Variants in DISC1 observed in about 807,000 individuals in gnomAD.
DISC1 encodes disrupted in schizophrenia 1 protein.
In DISC1, 57 loss-of-function variants were observed where a neutral mutation model predicts 84.5. That is an observed-to-expected ratio of 0.67 (90% confidence interval 0.55 to 0.84). The LOEUF (loss-of-function observed/expected upper bound fraction) is 0.84, where lower values mean the gene tolerates loss of function less well. Among genes scored for constraint, DISC1 ranks in the 40% least tolerant of loss-of-function variants. DISC1 has a pLI of 0.00. For missense variants in DISC1, 1,000 were observed against 1,057.8 expected (o/e 0.95, Z 0.76); for synonymous variants, 411 against 415.2 (o/e 0.99, Z 0.12).
intron 7 of DISC1, among the ~76,000 whole-genome samples, chr1:231,796,387 G>A (rs1004672158): frequency 7.7e-6 from 1 of 129,248 alleles, no homozygotes; most frequent in African/African-American, 2.6e-5. Flanking sequence ...AGAGAGCAAC[G>A]CAGCTGAGAG....
intron 10 of DISC1, among the ~76,000 whole-genome samples, chr1:232,004,426 G>C (rs1274309403): frequency 7.3e-6 from 1 of 137,296 alleles, no homozygotes; most frequent in African/African-American, 2.8e-5. Flanking sequence ...TTAAAAATAT[G>C]AACAAACATG....
intron 10 of DISC1, among the ~76,000 whole-genome samples, chr1:231,979,635 T>C (rs1048883909): frequency 1.3e-5 from 2 of 151,148 alleles, no homozygotes; most frequent in African/African-American, 4.9e-5. Context: ...ATGTACATAT[T>C]TCTCTCTATA....
chr1:231,770,481 A>G (rs1015875763), intron 5 of DISC1, among the ~76,000 whole-genome samples: 1 of 152,138 alleles, frequency 6.6e-6, no homozygotes, highest in Non-Finnish European at 1.5e-5. Flanking sequence ...TAACCTGCTT[A>G]GCTCAGACCT....
At chr1:231,733,158 G>A (rs74959625) in intron 3 of DISC1, among the ~76,000 whole-genome samples, 3 of 152,020 alleles carry the variant, frequency 2.0e-5, no homozygotes, top group South Asian at 2.1e-4. Context: ...TGATGGTGGT[G>A]ATGGTAGGAG....
chr1:231,973,126 A>T (rs868112956), intron 10 of DISC1, among the ~76,000 whole-genome samples: 21 of 149,988 alleles, frequency 1.4e-4, no homozygotes, highest in Middle Eastern at 6.8e-3. Flanking sequence ...AGCTCACTGC[A>T]ACCTCTGCCT....
intron 3 of DISC1, among the ~76,000 whole-genome samples, chr1:231,741,327 A>G (rs2793093): frequency 0.66 from 100,145 of 152,096 alleles, 34,953 homozygotes; most frequent in Non-Finnish European, 0.78. Flanking sequence ...TAGGCAGTGA[A>G]CTTGATTTAA....
chr1:231,800,104 C>T lies in DISC1; in HGVS notation c.1690-4C>T, dbSNP rs2079107639. The stretch of plus-strand genomic sequence containing the variant: ...ATGATTCCTGGTCATTTCTCTCCCC[C>T]TAGGTGTGTATGAGTGAGAAATTCT... On this transcript the variant is annotated splice_polypyrimidine_tract_variant and splice_region_variant and intron_variant, in intron 7 of 12. Coordinates refer to ENST00000439617, the MANE Select transcript of DISC1 (RefSeq NM_018662.3). 2 of 1,605,064 alleles carry T rather than the reference C, an allele frequency of 1.2e-6. No individual in the cohort carries two copies. The highest frequency in any genetic ancestry group is 1.7e-5 in the Admixed American group (1 of 59,696).
chr1:231,802,367 G>T (rs1330685138), intron 8 of DISC1, among the ~76,000 whole-genome samples: 4 of 152,124 alleles, frequency 2.6e-5, no homozygotes, highest in Non-Finnish European at 5.9e-5. Flanking sequence ...TTGCCACCTT[G>T]TGAAGAAGGT....
chr1:231,950,175 C>T (rs1343701195), intron 9 of DISC1, among the ~76,000 whole-genome samples: 1 of 148,162 alleles, frequency 6.7e-6, no homozygotes, highest in African/African-American at 2.5e-5. Context: ...CTTCCTTCTT[C>T]TGTCTATAAA....
intron 8 of DISC1, among the ~76,000 whole-genome samples, chr1:231,800,882 G>A: frequency 6.6e-6 from 1 of 151,592 alleles, no homozygotes; most frequent in South Asian, 2.1e-4. Flanking sequence ...CTAAGCAGTG[G>A]CAGATCTGGG....
At chr1:231,704,855 G>A (rs952416275) in intron 3 of DISC1, among the ~76,000 whole-genome samples, 1 of 150,396 alleles carries the variant, frequency 6.6e-6, no homozygotes, top group South Asian at 2.1e-4. Flanking sequence ...CAAATGATGC[G>A]CATACTGCGA....
chr1:231,691,919 C>CCTTCTGT (rs1231554370), intron 1 of DISC1, among the ~76,000 whole-genome samples: 1 of 152,226 alleles, frequency 6.6e-6, no homozygotes, highest in Non-Finnish European at 1.5e-5. Flanking sequence ...TACATCTCAT[C>CCTTCTGT]ACATCCTTTT....
At chr1:231,902,436 A>T (rs765920709) in intron 9 of DISC1, among the ~76,000 whole-genome samples, 1 of 152,106 alleles carries the variant, frequency 6.6e-6, no homozygotes, top group Non-Finnish European at 1.5e-5. Flanking sequence ...CCCCATCTCT[A>T]CTAAAAATAC....
intron 6 of DISC1, among the ~76,000 whole-genome samples, chr1:231,779,310 A>G (rs1038744139): frequency 6.6e-5 from 10 of 152,102 alleles, no homozygotes; most frequent in Non-Finnish European, 1.5e-4. Context: ...ACAAAGACCA[A>G]CTGTGGACTG....
At chr1:231,936,361 T>G (rs2090981143) in intron 9 of DISC1, among the ~76,000 whole-genome samples, 2 of 152,196 alleles carry the variant, frequency 1.3e-5, no homozygotes, top group African/African-American at 2.4e-5. Context: ...CTGCTGCCCC[T>G]GCTCTAGGCT....
At chr1:231,828,567 G>C (rs1224192317) in intron 9 of DISC1, among the ~76,000 whole-genome samples, 1 of 152,046 alleles carries the variant, frequency 6.6e-6, no homozygotes, top group East Asian at 1.9e-4. Context: ...GAAATGTCTG[G>C]AGTTACTCTA....
intron 9 of DISC1, among the ~76,000 whole-genome samples, chr1:231,927,500 C>T (rs2090421187): frequency 6.6e-6 from 1 of 152,172 alleles, no homozygotes; most frequent in Non-Finnish European, 1.5e-5. Flanking sequence ...CCATATTACT[C>T]TCCTGTGTCA....
At chr1:231,920,790 A>G (rs2089947969) in intron 9 of DISC1, among the ~76,000 whole-genome samples, 1 of 152,144 alleles carries the variant, frequency 6.6e-6, no homozygotes, top group African/African-American at 2.4e-5. Flanking sequence ...ACATACTTTT[A>G]TACTAAAAAA....
At chr1:231,809,627 T>G (rs2738875) in intron 8 of DISC1, among the ~76,000 whole-genome samples, 131,880 of 151,650 alleles carry the variant, frequency 0.87, 57,386 homozygotes, top group Non-Finnish European at 0.88. Flanking sequence ...AATTGTATTT[T>G]AATGGCAGCT....
Sources: allele counts gnomAD v4.1 joint callset (sites outside exome capture counted in the v4.1 genomes callset), GRCh38; gene constraint gnomAD v4.1.1; transcripts MANE v1.5; gene names NCBI Gene and HGNC (gene_info 2026-07-23, HGNC 2026-07-21).